The following PPL variants were observed in gnomAD, a reference collection of about 807,000 sequenced individuals.
PPL encodes the protein 190 kDa paraneoplastic pemphigus antigen.
A neutral mutation model predicts 194.4 loss-of-function variants in PPL; 198 were observed. That is an observed-to-expected ratio of 1.02 (90% CI 0.91 to 1.15). The LOEUF (loss-of-function observed/expected upper bound fraction) is 1.15. Ranked by LOEUF, PPL falls within the 50% of genes most tolerant of loss-of-function variation. The pLI is 0.00. For missense variants in PPL, 2,885 were observed against 2,294.8 expected (o/e 1.26, Z -5.25); for synonymous variants, 1,220 against 972.4 (o/e 1.25, Z -4.74).
At chr16:4,931,811 T>A (rs2089229179) in intron 1 of PPL, among the ~76,000 whole-genome samples, 1 of 152,100 alleles carries the variant, frequency 6.6e-6, no homozygotes, top group African/African-American at 2.4e-5. Flanking sequence ...AAATACCCTT[T>A]CCCAACATGA....
At chr16:4,892,507 T>G (rs1352153169) in intron 14 of PPL, among the ~76,000 whole-genome samples, 1 of 152,156 alleles carries the variant, frequency 6.6e-6, no homozygotes, top group Non-Finnish European at 1.5e-5. Context: ...GTTTAATCTT[T>G]GCGGCAACCC....
intron 12 of PPL, chr16:4,893,841 T>C (rs564057921): frequency 2.4e-4 from 140 of 575,748 alleles, no homozygotes; most frequent in Non-Finnish European, 3.7e-4. Context: ...TCCTCTTTCG[T>C]AGGAAGTCTC....
At chr16:4,895,483 G>T in intron 10 of PPL, 76 bp from the exon 11 acceptor site, 1 of 1,602,702 alleles carries the variant, frequency 6.2e-7, no homozygotes, top group South Asian at 1.1e-5. Flanking sequence ...AGCAGGGGCT[G>T]GATTCAGCAG....
At chr16:4,898,889 C>T in intron 8 of PPL, 124 bp downstream of exon 8, 1 of 721,856 alleles carries the variant, frequency 1.4e-6, no homozygotes, top group Non-Finnish European at 2.4e-6. Context: ...AAGAGACAGA[C>T]AGACACAAGA....
intron 16 of PPL, chr16:4,891,515 C>A (rs372931412): frequency 2.4e-5 from 7 of 287,184 alleles, no homozygotes; most frequent in South Asian, 1.3e-4. Context: ...CTCCAAGGCT[C>A]AAGCAATCCT....
chr16:4,903,340 G>A (rs1409900079), intron 3 of PPL, among the ~76,000 whole-genome samples: 1 of 152,164 alleles, frequency 6.6e-6, no homozygotes, highest in African/African-American at 2.4e-5. Flanking sequence ...TCAGGCTGGT[G>A]GCTCCAGAAC....
intron 18 of PPL, among the ~76,000 whole-genome samples, 177 bp from the exon 19 acceptor site, chr16:4,889,238 GTTGTTTT>G: frequency 9.2e-5 from 2 of 21,804 alleles, no homozygotes; most frequent in Non-Finnish European, 3.5e-4. Flanking sequence ...TTTTGTTGTT[GTTGTTTT>G]TTTTTTTTTT....
intron 1 of PPL, among the ~76,000 whole-genome samples, chr16:4,920,359 G>GAAAT (rs1311593249): frequency 1.4e-5 from 1 of 71,748 alleles, no homozygotes; most frequent in Non-Finnish European, 4.7e-5. Flanking sequence ...AAGAAAGAAA[G>GAAAT]AAAGAAAGAA....
rs772144125 is a variant in PPL at position 4,894,505 on chromosome 16, G to GA, written c.1355dup (p.Thr455HisfsTer4). The GA allele has an allele frequency of 1.2e-6, 2 of 1,613,812 alleles. No homozygotes were observed. Among genetic ancestry groups the GA allele is most frequent in the African/African-American group, 2.7e-5 (2 of 74,922 alleles). On this transcript the variant is annotated frameshift_variant, in exon 12 of 22. Coordinates refer to ENST00000345988, the MANE Select transcript of PPL (RefSeq NM_002705.5). LOFTEE classifies it high-confidence loss of function. ...CCAGGGCCTCAGGGTCTGTGGGGGG[G>GA]ATCACAAAACACACGGCCGGAGCAA...
At chr16:4,936,762 C>T (rs1394170227) in intron 1 of PPL, among the ~76,000 whole-genome samples, 1 of 152,164 alleles carries the variant, frequency 6.6e-6, no homozygotes, top group African/African-American at 2.4e-5. Flanking sequence ...CTGTGTTATG[C>T]TCCCCCTCGG....
rs753490010 is a variant in PPL at position 4,890,751 on chromosome 16, G to C, written c.2139C>G (p.Asn713Lys). Residue 713 changes from asparagine to lysine, a missense_variant, in exon 17 of 22, where the codon AAC (asparagine) becomes AAG (lysine). By Grantham distance (94) the Asn-to-Lys change is moderately conservative. Coordinates refer to ENST00000345988, the MANE Select transcript of PPL (RefSeq NM_002705.5). ...EVHKLGQRFN[N>K]LRQQVERRAQ... ...ACCTGCGTTCCACCTGCTGGCGCAGGTTGTTGAAACGCTGGCCCAGCTTGT... is the reference window on the plus strand; with the variant it reads ...ACCTGCGTTCCACCTGCTGGCGCAGCTTGTTGAAACGCTGGCCCAGCTTGT... The C allele has an allele frequency of 3.7e-6, 6 of 1,608,384 alleles. No homozygotes were observed.
chr16:4,908,893 G>A (rs1222798592), intron 2 of PPL, among the ~76,000 whole-genome samples: 2 of 152,168 alleles, frequency 1.3e-5, no homozygotes, highest in East Asian at 3.9e-4. Context: ...AAATGTGTGT[G>A]ATGAACACAT....
rs1460651517 is a variant in PPL at position 4,893,190 on chromosome 16, C to T, written c.1650+23G>A. On this transcript the variant is annotated intron_variant, in intron 14 of 21. Transcript: ENST00000345988. ...CAGTGCAGGGCTCCCCCGGCCCCAC[C>T]TGTGCTCCTGACCCGCAGGTACCTT... 6 of 1,523,006 alleles carry T rather than the reference C, an allele frequency of 3.9e-6. No individual in the cohort carries two copies. The South Asian group carries it at 6.0e-5, about 15-fold the overall frequency. The allele number at this position is 1,523,006 out of a possible 1,614,324, so 94.3% of individuals were successfully genotyped here. A position where few individuals can be genotyped will look rare whatever the true frequency, so the allele number is the denominator to read the frequency against.
At chr16:4,899,157 G>A (rs373221709) in intron 7 of PPL, 37 bp from the exon 8 acceptor site, 1 of 1,613,586 alleles carries the variant, frequency 6.2e-7, no homozygotes, top group South Asian at 1.1e-5. Flanking sequence ...TCAGTGCCCA[G>A]CCTGGCGGTC....
At chr16:4,886,315 T>A (rs2088219085) in intron 21 of PPL, among the ~76,000 whole-genome samples, 1 of 152,220 alleles carries the variant, frequency 6.6e-6, no homozygotes, top group Admixed American at 6.5e-5. Context: ...TCCTAGGGCG[T>A]GTCTGTCAGC....
rs779067610 is a variant in PPL, at chr16:4,885,501, C to A, written c.3154G>T (p.Val1052Phe). 3.9e-5 allele frequency: 63 copies of A among 1,611,706 alleles called. No homozygotes were observed. The highest frequency in any genetic ancestry group is 4.6e-5 in the Non-Finnish European group (54 of 1,179,998). Residue 1052 changes from valine to phenylalanine, a missense_variant, in exon 22 of 22, where the codon GTC becomes TTC. Coordinates refer to ENST00000345988, the MANE Select transcript of PPL (RefSeq NM_002705.5). The surrounding 1 kb of genome is among the most constrained non-coding windows in gnomAD (Gnocchi z 6.3). ...AEEKSRAQEK[V>F]TEKEVVKLQN... ...AGTTTCACCACCTCTTTCTCTGTGACCTTCTCCTGCGCCCGGCTCTTCTCT... is the reference window on the plus strand; with the variant it reads ...AGTTTCACCACCTCTTTCTCTGTGAACTTCTCCTGCGCCCGGCTCTTCTCT...
chr16:4,884,577 C>G lies in PPL; in HGVS notation c.4078G>C (p.Glu1360Gln), dbSNP rs1425775065. 2.5e-6 allele frequency: 4 copies of G among 1,613,994 alleles called. No individual in the cohort carries two copies. The African/African-American group carries it at 5.3e-5, about 22-fold the overall frequency. The stretch of plus-strand genomic sequence containing the variant: ...GCCTCGGCCCGCAGGCCTGGCTCCT[C>G]CTCATACCTGACCACCTCCTGCTGC... ...VVQQEVVRYE[E>Q]EPGLRAEASA... Residue 1360 changes from glutamate (E) to glutamine (Q), a missense_variant, in exon 22 of 22, where the codon GAG becomes CAG. Coordinates refer to ENST00000345988, the MANE Select transcript of PPL (RefSeq NM_002705.5). This position sits in a 1 kb window ranked among gnomAD's most constrained non-coding sequence, Gnocchi z 5.7.
intron 18 of PPL, 27 bp downstream of exon 18, chr16:4,890,157 C>G: frequency 6.2e-7 from 1 of 1,613,874 alleles, no homozygotes; most frequent in Non-Finnish European, 8.5e-7. Context: ...CAGTGTGTGC[C>G]TGGGGCTGCG....
At chr16:4,924,906 C>T (rs1314298257) in intron 1 of PPL, among the ~76,000 whole-genome samples, 1 of 152,228 alleles carries the variant, frequency 6.6e-6, no homozygotes, top group African/African-American at 2.4e-5. Flanking sequence ...CACCTCCACC[C>T]CAGCTGTCCC....
Sources: allele counts gnomAD v4.1 joint callset (sites outside exome capture counted in the v4.1 genomes callset), GRCh38; gene constraint gnomAD v4.1.1; non-coding constraint Gnocchi (gnomAD v3.1); transcripts MANE v1.5; gene names NCBI Gene and HGNC (gene_info 2026-07-23, HGNC 2026-07-21).